Variants in DOCK3 observed in about 807,000 individuals in gnomAD.
DOCK3 encodes the protein dedicator of cytokinesis 3, also known as dedicator of cytokinesis protein 3.
Under a neutral mutation model 265.6 loss-of-function variants are expected in DOCK3, and 60 were observed. The observed-to-expected ratio is 0.23, with a 90% CI of 0.18 to 0.28. The LOEUF (loss-of-function observed/expected upper bound fraction) is 0.28, where lower values mean the gene tolerates loss of function less well. DOCK3 is among the 10% of genes least tolerant of loss of function. The pLI is 1.00. For missense variants in DOCK3, 1,981 were observed against 2,594.3 expected, an observed-to-expected ratio of 0.76 and a Z score of 5.14; for synonymous variants, 881 against 938.0, an observed-to-expected ratio of 0.94 and a Z score of 1.11.
At chr3:50,880,018 C>T (rs1328466251) in intron 3 of DOCK3, among the ~76,000 whole-genome samples, 2 of 152,208 alleles carry the variant, frequency 1.3e-5, no homozygotes, top group Non-Finnish European at 2.9e-5. Context: ...GAACAACCTG[C>T]TCCTGAATGA....
chr3:51,297,146 A>C (rs2082131732), intron 27 of DOCK3, among the ~76,000 whole-genome samples: 2 of 149,492 alleles, frequency 1.3e-5, no homozygotes. Context: ...AAAAATCTAC[A>C]TGTAAAAGAA....
intron 10 of DOCK3, among the ~76,000 whole-genome samples, chr3:51,153,098 C>T (rs2085686948): frequency 6.6e-6 from 1 of 152,212 alleles, no homozygotes; most frequent in Non-Finnish European, 1.5e-5. Flanking sequence ...CTATGCCCTG[C>T]CCGCCTAGGT....
intron 12 of DOCK3, among the ~76,000 whole-genome samples, chr3:51,168,165 A>G (rs1394546611): frequency 1.3e-5 from 2 of 152,240 alleles, no homozygotes; most frequent in Non-Finnish European, 2.9e-5. Flanking sequence ...CTTTTTCTAC[A>G]TCTGTTGAAA....
chr3:50,894,838 A>C (rs1050065358), intron 4 of DOCK3, among the ~76,000 whole-genome samples: 1 of 152,108 alleles, frequency 6.6e-6, no homozygotes, highest in Non-Finnish European at 1.5e-5. Context: ...CTGTTTACAT[A>C]GTTGGTTAAT....
rs2086581493 is a variant in DOCK3, at chr3:51,359,478, A to G, written c.4885-1033A>G. ...AAATTGGAGTGTCCATTTAGTTAAG[A>G]ACTTGGGCAGTATCGCTGAGTCTGG... On this transcript the variant is annotated intron_variant, in intron 46 of 52. Transcript: ENST00000266037. The surrounding 1 kb of genome is among the most constrained non-coding windows in gnomAD (Gnocchi z 4.8). Among the ~76,000 whole-genome samples the G allele has an allele frequency of 6.6e-6, 1 of 152,184 alleles. No homozygotes were observed. The highest frequency in any genetic ancestry group is 6.5e-5 in the Admixed American group (1 of 15,288).
At chr3:51,132,614 C>T (rs945265663) in intron 9 of DOCK3, among the ~76,000 whole-genome samples, 5 of 152,120 alleles carry the variant, frequency 3.3e-5, no homozygotes, top group East Asian at 1.9e-4. Flanking sequence ...AACTTAGGAG[C>T]GACCAACCAG....
In DOCK3 at chr3:51,229,609, G is replaced by GGTAT; in HGVS notation, c.1917+3_1917+6dup. 1 of 1,599,646 alleles carries GGTAT rather than the reference G, an allele frequency of 6.3e-7. No individual in the cohort carries two copies. Among genetic ancestry groups the GGTAT allele is most frequent in the South Asian group, 1.1e-5 (1 of 87,844 alleles). ...ATGTCAGTGGGGAGGAAATTGTTAA[G>GGTAT]GTATGTCTTCCATATAATTTAAACA... On this transcript the variant is annotated frameshift_variant and splice_region_variant. Coordinates refer to ENST00000266037, the MANE Select transcript of DOCK3 (RefSeq NM_004947.5). LOFTEE classifies it high-confidence loss of function.
chr3:50,729,023 C>A (rs1224573234), intron 1 of DOCK3, among the ~76,000 whole-genome samples: 5 of 137,654 alleles, frequency 3.6e-5, no homozygotes, highest in African/African-American at 1.3e-4. Context: ...CGTGCCTGGC[C>A]TGTTTTTCTT....
At chr3:51,281,977 G>A (rs2081147720) in intron 27 of DOCK3, among the ~76,000 whole-genome samples, 1 of 152,204 alleles carries the variant, frequency 6.6e-6, no homozygotes, top group Admixed American at 6.5e-5. Context: ...GCACTCGCCA[G>A]CAGTCCAGCC....
At chr3:50,976,737 G>A (rs1253171682) in intron 5 of DOCK3, among the ~76,000 whole-genome samples, 2 of 150,396 alleles carry the variant, frequency 1.3e-5, no homozygotes, top group Non-Finnish European at 3.0e-5. Context: ...AATGTTGACA[G>A]TGGGGTGTTA....
At chr3:50,857,669 A>G (rs896607934) in intron 3 of DOCK3, among the ~76,000 whole-genome samples, 4 of 152,262 alleles carry the variant, frequency 2.6e-5, no homozygotes, top group African/African-American at 9.6e-5. Flanking sequence ...CAACAGACAC[A>G]TGAAAAAATG....
At chr3:51,007,027 T>C (rs933342940) in intron 5 of DOCK3, among the ~76,000 whole-genome samples, 1 of 152,238 alleles carries the variant, frequency 6.6e-6, no homozygotes, top group African/African-American at 2.4e-5. Flanking sequence ...CTATCATTGA[T>C]GGACATTTGG....
Position 51,106,038 on chromosome 3 carries a change from T to C in DOCK3, c.746+15654T>C, listed in dbSNP as rs193293702. On this transcript the variant is annotated intron_variant, in intron 9 of 52. Transcript: ENST00000266037. ...AGTAGGGGCAGAACTCTGGTCAGGG[T>C]GGAGCCCAGAGGGTTTGGTGTGGGA... 6.6e-5 allele frequency among the ~76,000 whole-genome samples: 10 copies of C among 152,258 alleles called. 1 individual carries two copies. The East Asian group carries it at 1.9e-3, about 29-fold the overall frequency.
At chr3:51,037,813 A>T (rs1341064954) in intron 5 of DOCK3, among the ~76,000 whole-genome samples, 6 of 152,200 alleles carry the variant, frequency 3.9e-5, no homozygotes, top group African/African-American at 1.4e-4. Context: ...CTACCAGTTT[A>T]TGGTATTTCA....
At chr3:50,889,071 GTGTGTGTGT>G (rs2048505039) in intron 3 of DOCK3, among the ~76,000 whole-genome samples, 7 of 115,236 alleles carry the variant, frequency 6.1e-5, no homozygotes, top group African/African-American at 4.4e-5. Flanking sequence ...CCATGGGTGT[GTGTGTGTGT>G]GTGTGTGTGT....
chr3:51,347,123 TGCAGAA>T (rs2085638297), intron 38 of DOCK3, among the ~76,000 whole-genome samples: 1 of 152,248 alleles, frequency 6.6e-6, no homozygotes, highest in Non-Finnish European at 1.5e-5. Context: ...TCTTTTGCTG[TGCAGAA>T]GCTCCTTAAT....
intron 27 of DOCK3, among the ~76,000 whole-genome samples, chr3:51,302,174 CT>C (rs2082395646): frequency 6.6e-6 from 1 of 152,062 alleles, no homozygotes; most frequent in Non-Finnish European, 1.5e-5. Context: ...CCCTTTACCA[CT>C]GTGTAATGCC....
Position 51,309,377 on chromosome 3 carries a change from C to T in DOCK3, c.2923-855C>T, listed in dbSNP as rs144943200. On this transcript the variant is annotated intron_variant, in intron 27 of 52. Transcript: ENST00000266037. ...CTGGCGGATCACTTGCGGTTAGGAG[C>T]TGGAGACCAGCCCGGCCAACCCAGC... Among the ~76,000 whole-genome samples, 1,107 of 152,328 alleles carry T rather than the reference C, an allele frequency of 7.3e-3. 15 individuals carry two copies. Among genetic ancestry groups the T allele is most frequent in the African/African-American group, 0.026 (1,065 of 41,572 alleles).
At chr3:50,863,315 C>G in intron 3 of DOCK3, 1 of 476,162 alleles carries the variant, frequency 2.1e-6, no homozygotes, top group Non-Finnish European at 4.1e-6. Flanking sequence ...TGTCTCAGTT[C>G]AGGTCTGAGG....
Sources: gnomAD v4.1 joint callset for allele counts (sites outside exome capture counted in the v4.1 genomes callset) on GRCh38, gnomAD v4.1.1 for gene constraint, Gnocchi (gnomAD v3.1) non-coding constraint, MANE v1.5 for transcripts, NCBI Gene and HGNC (gene_info 2026-07-23, HGNC 2026-07-21) for gene names.